The following PAFAH1B2 variants were observed in gnomAD, a reference collection of about 807,000 sequenced individuals.
PAFAH1B2 encodes platelet activating factor acetylhydrolase 1b catalytic subunit 2, also known as platelet-activating factor acetylhydrolase IB subunit alpha2.
In PAFAH1B2, 8 loss-of-function variants were observed where a neutral mutation model predicts 28.0. The observed-to-expected ratio is 0.29, with a 90% CI of 0.17 to 0.52. PAFAH1B2 has a LOEUF of 0.52. Ranked by LOEUF, PAFAH1B2 falls within the 20% of genes least tolerant of loss-of-function variation. PAFAH1B2 has a pLI of 0.97. For synonymous variants in PAFAH1B2, 104 were observed against 103.2 expected (o/e 1.01, Z -0.05); for missense variants, 190 against 282.6 (o/e 0.67, Z 2.35).
chr11:117,164,905 A>G (rs1004884649), intron 5 of PAFAH1B2, among the ~76,000 whole-genome samples: 16 of 151,578 alleles, frequency 1.1e-4, no homozygotes, highest in Non-Finnish European at 2.1e-4. Context: ...GCGTGGTGGC[A>G]CGTGCCTGTA....
intron 2 of PAFAH1B2, among the ~76,000 whole-genome samples, chr11:117,154,481 C>CATTACAGCTTGCACCATTA (rs1286713192): frequency 3.9e-4 from 59 of 152,156 alleles, no homozygotes; most frequent in African/African-American, 1.4e-3. Flanking sequence ...GCAGTGGCAC[C>CATTACAGCTTGCACCATTA]ATTACAGCTT....
chr11:117,166,206 C>T (rs1956507282), intron 5 of PAFAH1B2, among the ~76,000 whole-genome samples: 1 of 152,092 alleles, frequency 6.6e-6, no homozygotes, highest in Admixed American at 6.6e-5. Flanking sequence ...GCTGGGGGGC[C>T]AGATCTTTTT....
intron 1 of PAFAH1B2, among the ~76,000 whole-genome samples, chr11:117,145,564 G>A (rs1291451791): frequency 6.6e-6 from 1 of 152,186 alleles, no homozygotes. Context: ...CATAAAGGTT[G>A]CCTCCTTGTG....
chr11:117,161,765 C>G (rs575378084), intron 4 of PAFAH1B2, among the ~76,000 whole-genome samples: 1 of 152,166 alleles, frequency 6.6e-6, no homozygotes, highest in South Asian at 2.1e-4. Flanking sequence ...TTCGGCCTCC[C>G]AAAAGTGCTG....
At chr11:117,175,296 C>T, downstream of PAFAH1B2, 1 of 1,073,020 alleles carries the variant, frequency 9.3e-7, no homozygotes, top group Non-Finnish European at 1.1e-6. Flanking sequence ...AGACACACCA[C>T]TGCCTTTTTT....
intron 1 of PAFAH1B2, among the ~76,000 whole-genome samples, chr11:117,150,460 T>C (rs77933981): frequency 1.5e-5 from 2 of 130,076 alleles, no homozygotes; most frequent in Admixed American, 7.2e-5. Context: ...GATGATGTTG[T>C]TTTTTTTTTT....
At chr11:117,152,339 A>G (rs141443071) in intron 1 of PAFAH1B2, 102 bp from the exon 2 acceptor site, 2 of 695,430 alleles carry the variant, frequency 2.9e-6, no homozygotes, top group Non-Finnish European at 5.1e-6. Flanking sequence ...GGCAAACCAC[A>G]TAAAACTTTA....
At chr11:117,155,561 C>A (rs1454586381) in intron 2 of PAFAH1B2, among the ~76,000 whole-genome samples, 10 of 152,110 alleles carry the variant, frequency 6.6e-5, no homozygotes, top group Admixed American at 3.9e-4. Flanking sequence ...TACAGTAAAA[C>A]CAGTTCTAAT....
At position 117,170,642 on chromosome 11, in the gene PAFAH1B2, A is replaced by G; in HGVS notation, c.*2943A>G. 2 of 1,058,862 alleles carry G rather than the reference A, an allele frequency of 1.9e-6. No homozygotes were observed. The highest frequency in any genetic ancestry group is 2.3e-6 in the Non-Finnish European group (2 of 875,054). The allele number at this position is 1,058,862 out of a possible 1,614,324, so 65.6% of individuals were successfully genotyped here. On this transcript the variant is annotated 3_prime_UTR_variant, in exon 6 of 6. Coordinates refer to ENST00000527958, the MANE Select transcript of PAFAH1B2 (RefSeq NM_002572.4). ...TTGTCTGTTTAAAAAAAAAAAAAAA[A>G]AAAAAGTCCAACTTACTTTATTTTA...
chr11:117,158,615 C>T (rs1329188995), intron 2 of PAFAH1B2, among the ~76,000 whole-genome samples: 1 of 145,754 alleles, frequency 6.9e-6, no homozygotes, highest in Non-Finnish European at 1.5e-5. Flanking sequence ...TGTTTCTTTT[C>T]CTAGTTATGA....
At chr11:117,166,192 A>G (rs1956506342) in intron 5 of PAFAH1B2, among the ~76,000 whole-genome samples, 1 of 152,178 alleles carries the variant, frequency 6.6e-6, no homozygotes, top group African/African-American at 2.4e-5. Context: ...TTTTATCCAC[A>G]GTTGCTGGGG....
downstream of PAFAH1B2, chr11:117,174,955 G>A: frequency 6.6e-7 from 1 of 1,511,476 alleles, no homozygotes; most frequent in Non-Finnish European, 8.8e-7. Flanking sequence ...GCCACCTGAA[G>A]CTTCCTCCCT....
intron 2 of PAFAH1B2, among the ~76,000 whole-genome samples, chr11:117,154,719 C>T (rs1362933382): frequency 1.3e-5 from 2 of 152,206 alleles, no homozygotes; most frequent in African/African-American, 4.8e-5. Flanking sequence ...GTTGGGATTA[C>T]AGGCATGAGC....
chr11:117,171,607 C>T (rs1464667206), downstream of PAFAH1B2: 2 of 963,124 alleles, frequency 2.1e-6, no homozygotes, highest in Admixed American at 4.0e-5. Flanking sequence ...TCATTTATCA[C>T]CCTTACGTCC....
At chr11:117,154,252 C>T (rs1191252482) in intron 2 of PAFAH1B2, among the ~76,000 whole-genome samples, 2 of 151,896 alleles carry the variant, frequency 1.3e-5, no homozygotes, top group Admixed American at 6.6e-5. Flanking sequence ...CTTTGGGAAG[C>T]TGAGGCAGGT....
At chr11:117,152,810 C>G (rs1253990370) in intron 2 of PAFAH1B2, among the ~76,000 whole-genome samples, 1 of 152,212 alleles carries the variant, frequency 6.6e-6, no homozygotes, top group Non-Finnish European at 1.5e-5. Flanking sequence ...TGGTGGCTCA[C>G]GCCTATAATC....
At chr11:117,159,762 A>T in intron 2 of PAFAH1B2, 172 bp from the exon 3 acceptor site, 2 of 517,058 alleles carry the variant, frequency 3.9e-6, no homozygotes, top group Non-Finnish European at 3.5e-6. Flanking sequence ...GAAAGAAAAA[A>T]GTTGTTTTTG....
chr11:117,154,164 C>G (rs1258513382), intron 2 of PAFAH1B2, among the ~76,000 whole-genome samples: 1 of 151,684 alleles, frequency 6.6e-6, no homozygotes, highest in African/African-American at 2.4e-5. Flanking sequence ...TTTTTTCTTT[C>G]ATGGACATCT....
chr11:117,177,216 C>G (rs900223509), downstream of PAFAH1B2, among the ~76,000 whole-genome samples: 3 of 151,808 alleles, frequency 2.0e-5, no homozygotes, highest in African/African-American at 7.3e-5. Flanking sequence ...CTCCACCCCC[C>G]GGCAGATAAA....
Sources: allele counts gnomAD v4.1 joint callset (sites outside exome capture counted in the v4.1 genomes callset), GRCh38; gene constraint gnomAD v4.1.1; transcripts MANE v1.5; gene names NCBI Gene and HGNC (gene_info 2026-07-23, HGNC 2026-07-21).